CAMTA1: variants seen among roughly 807,000 people sequenced by gnomAD.
CAMTA1 encodes calmodulin-binding transcription activator 1.
In CAMTA1, 27 loss-of-function variants were observed where a neutral mutation model predicts 170.9. The ratio of observed to expected loss-of-function variants is 0.16; its 90% CI spans 0.12 to 0.22. CAMTA1 has a LOEUF of 0.22. Ranked by LOEUF, CAMTA1 falls within the 10% of genes least tolerant of loss-of-function variation. The probability of loss-of-function intolerance (pLI) is 1.00; values close to 1 mark genes in which losing one functional copy is unlikely to be tolerated. For synonymous variants in CAMTA1, 833 were observed against 891.5 expected, an observed-to-expected ratio of 0.93 and a Z score of 1.17; for missense variants, 1,619 against 2,217.2, an observed-to-expected ratio of 0.73 and a Z score of 5.42.
At chr1:7,245,353 T>C (rs1040220011) in intron 4 of CAMTA1, among the ~76,000 whole-genome samples, 1 of 151,278 alleles carries the variant, frequency 6.6e-6, no homozygotes, top group Non-Finnish European at 1.5e-5. Context: ...ATTATACAGT[T>C]TTACTCTGTG....
chr1:7,078,369 G>C (rs1639585722), intron 3 of CAMTA1, among the ~76,000 whole-genome samples: 1 of 152,194 alleles, frequency 6.6e-6, no homozygotes, highest in East Asian at 1.9e-4. Context: ...TGGGGGTAGA[G>C]GTGAAGGAGG....
In CAMTA1 at chr1:7,515,160, G is replaced by A. The variant is rs574625620; in HGVS notation, c.510+47259G>A. Among the ~76,000 whole-genome samples, 480 of 149,694 alleles carry A rather than the reference G, an allele frequency of 3.2e-3. 9 individuals carry two copies. Among genetic ancestry groups the A allele is most frequent in the African/African-American group, 0.011 (451 of 40,328 alleles). Reference sequence around the variant, plus strand: ...TGGGATCATCAGGCTGGTCCTCCCCGGCTCCCTCCACCTGGGATCATCAGG... The same window carrying A: ...TGGGATCATCAGGCTGGTCCTCCCCAGCTCCCTCCACCTGGGATCATCAGG... On this transcript the variant is annotated intron_variant, in intron 6 of 22. Transcript: ENST00000303635.
At chr1:6,856,177 AGAAGCCACCTGCGTTGCAGGAGCTG>A (rs1662280287) in intron 3 of CAMTA1, among the ~76,000 whole-genome samples, 1 of 151,956 alleles carries the variant, frequency 6.6e-6, no homozygotes, top group African/African-American at 2.4e-5. Flanking sequence ...TGGGTACTGG[AGAAGCCACCTGCGTTGCAGGAGCTG>A]GACGCCATAC....
At chr1:7,111,030 C>G (rs1644004348) in intron 4 of CAMTA1, among the ~76,000 whole-genome samples, 1 of 152,238 alleles carries the variant, frequency 6.6e-6, no homozygotes, top group African/African-American at 2.4e-5. Context: ...CATCTCTTCA[C>G]CTCTTCCAGC....
chr1:6,928,755 C>T (rs1421763977), intron 3 of CAMTA1, among the ~76,000 whole-genome samples: 1 of 152,186 alleles, frequency 6.6e-6, no homozygotes, highest in East Asian at 1.9e-4. Context: ...GCTCATTTTC[C>T]AGGTCTCACT....
At position 7,216,605 on chromosome 1, in the gene CAMTA1, G is replaced by A. The variant is rs1485289817; in HGVS notation, c.303-32886G>A. On this transcript the variant is annotated intron_variant, in intron 4 of 22. Transcript: ENST00000303635. The surrounding 1 kb of genome is among the most constrained non-coding windows in gnomAD (Gnocchi z 4.0). ...GGCTCACTGCAATCCCCGCTTCCTG[G>A]GTTCAAGCAATCCTTGTGCCTCAGC... is the stretch of plus-strand genomic sequence containing the variant. Among the ~76,000 whole-genome samples the A allele has an allele frequency of 2.6e-5, 4 of 152,066 alleles. No individual in the cohort carries two copies. Among genetic ancestry groups the A allele is most frequent in the African/African-American group, 9.7e-5 (4 of 41,414 alleles).
chr1:7,136,521 A>G (rs1645554617), intron 4 of CAMTA1, among the ~76,000 whole-genome samples: 1 of 150,844 alleles, frequency 6.6e-6, no homozygotes, highest in Non-Finnish European at 1.5e-5. Context: ...AGTATTCCCT[A>G]TCTTGAAAAA....
At chr1:7,004,763 G>GTATT (rs1698733690) in intron 3 of CAMTA1, among the ~76,000 whole-genome samples, 1 of 151,848 alleles carries the variant, frequency 6.6e-6, no homozygotes, top group Non-Finnish European at 1.5e-5. Context: ...TTTTTAAATT[G>GTATT]TATTTATTTA....
intron 11 of CAMTA1, among the ~76,000 whole-genome samples, chr1:7,696,540 C>G (rs547079951): frequency 2.7e-4 from 41 of 151,508 alleles, no homozygotes; most frequent in Non-Finnish European, 5.4e-4. Context: ...TATAAGAAAG[C>G]CACACCATGA....
rs1672320551 is a variant in CAMTA1, at chr1:7,286,171, A to T, written c.438+36545A>T. ...ATGAGTGAGCCTGCTGGTGGGGGGC[A>T]GAGAGGAAAGACCTCACAGGGAGAT... On this transcript the variant is annotated intron_variant, in intron 5 of 22. Transcript: ENST00000303635. The surrounding 1 kb of genome is among the most constrained non-coding windows in gnomAD (Gnocchi z 4.2). 6.6e-6 allele frequency among the ~76,000 whole-genome samples: 1 copy of T among 152,174 alleles called. No individual in the cohort carries two copies. The highest frequency in any genetic ancestry group is 6.5e-5 in the Admixed American group (1 of 15,286).
rs2095689983 is a variant in CAMTA1, at chr1:7,633,928, G to C, written c.511-6472G>C. Reference sequence around the variant, plus strand: ...AGTGACCTGGGACCAATGTGGCATGGAGCGTGGCAGCCAGAGACCACAGCC... The same window carrying C: ...AGTGACCTGGGACCAATGTGGCATGCAGCGTGGCAGCCAGAGACCACAGCC... On this transcript the variant is annotated intron_variant, in intron 6 of 22. Coordinates refer to ENST00000303635, the MANE Select transcript of CAMTA1 (RefSeq NM_015215.4). This position sits in a 1 kb window ranked among gnomAD's most constrained non-coding sequence, Gnocchi z 4.1. Among the ~76,000 whole-genome samples, 1 of 152,252 alleles carries C rather than the reference G, an allele frequency of 6.6e-6. No homozygotes were observed. Among genetic ancestry groups the C allele is most frequent in the African/African-American group, 2.4e-5 (1 of 41,464 alleles).
chr1:6,864,975 A>G (rs775725716), intron 3 of CAMTA1, among the ~76,000 whole-genome samples: 6 of 152,100 alleles, frequency 3.9e-5, no homozygotes, highest in Non-Finnish European at 7.4e-5. Context: ...TTAAAAATTA[A>G]AACATTTTTA....
At chr1:7,450,990 C>T (rs567406020) in intron 5 of CAMTA1, among the ~76,000 whole-genome samples, 3 of 152,262 alleles carry the variant, frequency 2.0e-5, no homozygotes, top group African/African-American at 4.8e-5. Context: ...GGTGTTAGCT[C>T]GGGAGAAGCA....
intron 4 of CAMTA1, among the ~76,000 whole-genome samples, chr1:7,185,709 G>A (rs912852152): frequency 6.6e-6 from 1 of 152,176 alleles, no homozygotes; most frequent in Non-Finnish European, 1.5e-5. Context: ...AAGAATGAAG[G>A]ACCTGACATC....
At chr1:6,866,625 C>T (rs931286452) in intron 3 of CAMTA1, among the ~76,000 whole-genome samples, 1 of 152,054 alleles carries the variant, frequency 6.6e-6, no homozygotes, top group Non-Finnish European at 1.5e-5. Context: ...TGCAATGCAG[C>T]AGGCCAATCG....
At chr1:7,476,369 GAGA>G (rs2149592454) in intron 6 of CAMTA1, among the ~76,000 whole-genome samples, 1 of 152,332 alleles carries the variant, frequency 6.6e-6, no homozygotes, top group East Asian at 1.9e-4. Flanking sequence ...GGTGGATCCA[GAGA>G]AGGAGACACA....
At chr1:7,568,282 T>TCATCATCACCACATCAC (rs1553205607) in intron 6 of CAMTA1, among the ~76,000 whole-genome samples, 12,418 of 141,262 alleles carry the variant, frequency 0.088, 1,853 homozygotes, top group African/African-American at 0.3. Flanking sequence ...ATCATCATCA[T>TCATCATCACCACATCAC]CATCATCACC....
chr1:6,901,624 G>A (rs781764655), intron 3 of CAMTA1, among the ~76,000 whole-genome samples: 9 of 152,104 alleles, frequency 5.9e-5, no homozygotes, highest in Non-Finnish European at 1.2e-4. Flanking sequence ...GTTCAACAGC[G>A]TTATTCATCA....
Position 7,745,036 on chromosome 1 carries a change from C to T in CAMTA1, c.4370+14C>T, listed in dbSNP as rs370207216. On this transcript the variant is annotated intron_variant, in intron 17 of 22. Coordinates refer to ENST00000303635, the MANE Select transcript of CAMTA1 (RefSeq NM_015215.4). ...TGCCCAGATCCGGTGAGTAAAGTTACGGAGGTCACTACCCAGCATAGATTC... is the reference window on the plus strand; with the variant it reads ...TGCCCAGATCCGGTGAGTAAAGTTATGGAGGTCACTACCCAGCATAGATTC... 2.1e-5 allele frequency: 34 copies of T among 1,603,594 alleles called. No homozygotes were observed. Among genetic ancestry groups the T allele is most frequent in the South Asian group, 1.8e-4 (16 of 89,368 alleles).
Sources: gnomAD v4.1 joint callset for allele counts (sites outside exome capture counted in the v4.1 genomes callset) on GRCh38, gnomAD v4.1.1 for gene constraint, Gnocchi (gnomAD v3.1) non-coding constraint, MANE v1.5 for transcripts, NCBI Gene and HGNC (gene_info 2026-07-23, HGNC 2026-07-21) for gene names.